The following AGBL3 variants were observed in gnomAD, a reference collection of about 807,000 sequenced individuals.
AGBL3 encodes AGBL carboxypeptidase 3.
Under a neutral mutation model 94.5 loss-of-function variants are expected in AGBL3, and 68 were observed. That is an observed-to-expected ratio of 0.72 (90% CI 0.59 to 0.88). The LOEUF (loss-of-function observed/expected upper bound fraction) is 0.88. AGBL3 is among the 40% of genes least tolerant of loss of function. The pLI is 0.00. For synonymous variants in AGBL3, 354 were observed against 370.7 expected (o/e 0.95, Z 0.52); for missense variants, 934 against 1,103.8 (o/e 0.85, Z 2.18).
intron 5 of AGBL3, among the ~76,000 whole-genome samples, chr7:135,021,814 T>G (rs933326728): frequency 5.2e-4 from 79 of 152,208 alleles, no homozygotes; most frequent in Non-Finnish European, 4.6e-4. Context: ...ATGCTCTCCC[T>G]CCCCTTGCCT....
chr7:135,052,289 A>G (rs1817947415), intron 11 of AGBL3, among the ~76,000 whole-genome samples: 1 of 152,194 alleles, frequency 6.6e-6, no homozygotes, highest in Admixed American at 6.5e-5. Context: ...TACTCTGGAA[A>G]TCACTGTAGA....
At chr7:135,061,488 C>T (rs1818836158) in intron 12 of AGBL3, among the ~76,000 whole-genome samples, 1 of 152,018 alleles carries the variant, frequency 6.6e-6, no homozygotes, top group Non-Finnish European at 1.5e-5. Flanking sequence ...CGAGCCTTTC[C>T]CCTATACTTT....
intron 11 of AGBL3, among the ~76,000 whole-genome samples, chr7:135,049,839 G>A (rs1817713624): frequency 1.3e-5 from 2 of 151,060 alleles, no homozygotes; most frequent in South Asian, 4.2e-4. Flanking sequence ...GTCAATTTTG[G>A]CTTTTCAAAA....
At chr7:135,072,770 G>T (rs999243900) in intron 12 of AGBL3, among the ~76,000 whole-genome samples, 1 of 142,140 alleles carries the variant, frequency 7.0e-6, no homozygotes, top group Non-Finnish European at 1.5e-5. Flanking sequence ...GTTGTGGAGT[G>T]GGGGAGGGGG....
At chr7:135,108,578 G>A (rs1825125896) in intron 15 of AGBL3, among the ~76,000 whole-genome samples, 1 of 152,188 alleles carries the variant, frequency 6.6e-6, no homozygotes, top group African/African-American at 2.4e-5. Context: ...GAAGTCAGCT[G>A]ATGGGGTTCC....
chr7:135,049,872 T>G (rs923865550), intron 11 of AGBL3, among the ~76,000 whole-genome samples: 1 of 151,884 alleles, frequency 6.6e-6, no homozygotes, highest in Non-Finnish European at 1.5e-5. Context: ...GTTTCACTGA[T>G]TTTTTTCTAT....
intron 2 of AGBL3, among the ~76,000 whole-genome samples, 153 bp from the exon 3 acceptor site, chr7:134,989,097 A>G (rs961235743): frequency 2.0e-5 from 3 of 152,354 alleles, no homozygotes; most frequent in East Asian, 3.9e-4. Flanking sequence ...GGGTGCATTG[A>G]GACCAGTAGC....
intron 6 of AGBL3, among the ~76,000 whole-genome samples, 168 bp downstream of exon 6, chr7:135,033,150 G>A (rs1815950041): frequency 6.6e-6 from 1 of 152,094 alleles, no homozygotes; most frequent in Non-Finnish European, 1.5e-5. Flanking sequence ...AAGATTCTGA[G>A]TTCAAATAAT....
At chr7:135,020,903 C>T (rs1370633773) in intron 5 of AGBL3, among the ~76,000 whole-genome samples, 3 of 95,072 alleles carry the variant, frequency 3.2e-5, no homozygotes, top group Non-Finnish European at 5.9e-5. Flanking sequence ...ACACTGGGGC[C>T]TGTTGTGGAG....
intron 5 of AGBL3, among the ~76,000 whole-genome samples, chr7:135,027,381 GT>G (rs1343548568): frequency 4.0e-5 from 6 of 151,088 alleles, no homozygotes; most frequent in African/African-American, 1.5e-4. Context: ...ACCTTTTTTT[GT>G]TTGTTTTAAA....
intron 4 of AGBL3, among the ~76,000 whole-genome samples, chr7:134,997,835 C>A (rs1811201096): frequency 6.6e-6 from 1 of 152,200 alleles, no homozygotes; most frequent in South Asian, 2.1e-4. Context: ...ACAGGCTACC[C>A]ACTGTCCCTT....
At chr7:135,090,422 C>G (rs962223543) in intron 15 of AGBL3, among the ~76,000 whole-genome samples, 7 of 152,164 alleles carry the variant, frequency 4.6e-5, no homozygotes, top group African/African-American at 1.4e-4. Context: ...CTCAGCTCAG[C>G]CATTGCTATT....
chr7:135,026,559 G>A (rs1407348450), intron 5 of AGBL3, among the ~76,000 whole-genome samples: 1 of 151,546 alleles, frequency 6.6e-6, no homozygotes, highest in African/African-American at 2.4e-5. Flanking sequence ...ATGGGCGTAA[G>A]CCACCATGCC....
intron 12 of AGBL3, among the ~76,000 whole-genome samples, chr7:135,060,378 A>AT (rs1191946245): frequency 6.6e-6 from 1 of 152,228 alleles, no homozygotes; most frequent in Non-Finnish European, 1.5e-5. Flanking sequence ...TCATTACCTC[A>AT]CATACTTATT....
chr7:135,132,624 T>C (rs1370047109), intron 16 of AGBL3, among the ~76,000 whole-genome samples: 2 of 152,204 alleles, frequency 1.3e-5, no homozygotes, highest in South Asian at 2.1e-4. Context: ...CAGGTGGAGA[T>C]AATTGAATCA....
rs575836826 is a variant in AGBL3, at chr7:135,135,190, A to C, written c.2692A>C (p.Asn898His). The part of the protein sequence containing the change: ...SKHTALHLTK[N>H]KDEQANKNDG... Reference sequence around the variant, plus strand: ...GCATACAGCCCTCCATCTAACTAAAAATAAGGATGAGCAGGCCAATAAGAA... The same window carrying C: ...GCATACAGCCCTCCATCTAACTAAACATAAGGATGAGCAGGCCAATAAGAA... The change falls in exon 17 of 17, where the codon AAT becomes CAT. Residue 898 changes from asparagine to histidine, a missense_variant. Physicochemically the swap from Asn to His is moderately conservative, Grantham distance 68. Transcript: ENST00000436302. 7.7e-6 allele frequency: 12 copies of C among 1,549,014 alleles called. No homozygotes were observed. The Admixed American group carries it at 9.9e-5, about 13-fold the overall frequency.
intron 4 of AGBL3, among the ~76,000 whole-genome samples, chr7:135,015,250 C>T (rs1041605335): frequency 5.3e-5 from 8 of 152,120 alleles, no homozygotes; most frequent in Admixed American, 5.2e-4. Flanking sequence ...AACGCTTGCT[C>T]GAGAGTAGCT....
chr7:135,131,106 A>C (rs1257681978), intron 16 of AGBL3, among the ~76,000 whole-genome samples: 1 of 152,172 alleles, frequency 6.6e-6, no homozygotes, highest in African/African-American at 2.4e-5. Flanking sequence ...AATAAAAATA[A>C]ATTTAAAAAT....
intron 8 of AGBL3, among the ~76,000 whole-genome samples, chr7:135,043,586 T>C (rs1013896734): frequency 6.6e-6 from 1 of 152,298 alleles, no homozygotes; most frequent in African/African-American, 2.4e-5. Flanking sequence ...AAAAGTATAA[T>C]TGGGTTATTT....
Sources: allele counts gnomAD v4.1 joint callset (sites outside exome capture counted in the v4.1 genomes callset), GRCh38; gene constraint gnomAD v4.1.1; transcripts MANE v1.5; gene names NCBI Gene and HGNC (gene_info 2026-07-23, HGNC 2026-07-21).